GABBR2: variants seen among roughly 807,000 people sequenced by gnomAD.
GABBR2 encodes the protein G-protein coupled receptor 51.
In GABBR2, 23 loss-of-function variants were observed where a neutral mutation model predicts 105.6. The observed-to-expected ratio is 0.22, with a 90% CI of 0.16 to 0.31. The LOEUF is 0.31. Among genes scored for constraint, GABBR2 ranks in the 10% least tolerant of loss-of-function variants. The pLI is 1.00. For synonymous variants in GABBR2, 478 were observed against 499.7 expected (o/e 0.96, Z 0.58); for missense variants, 734 against 1,245.5 (o/e 0.59, Z 6.18).
At chr9:98,410,319 C>A (rs1051654627) in intron 7 of GABBR2, among the ~76,000 whole-genome samples, 1 of 151,860 alleles carries the variant, frequency 6.6e-6, no homozygotes, top group African/African-American at 2.4e-5. Flanking sequence ...TAACTCTGGC[C>A]GGGGTGGGGG....
intron 1 of GABBR2, among the ~76,000 whole-genome samples, chr9:98,660,793 G>T (rs1175017356): frequency 2.6e-5 from 4 of 152,086 alleles, no homozygotes; most frequent in African/African-American, 7.2e-5. Context: ...CAAACTTCCT[G>T]GTTCTATGCC....
intron 15 of GABBR2, among the ~76,000 whole-genome samples, chr9:98,304,792 A>G (rs1004634448): frequency 8.1e-6 from 1 of 122,906 alleles, no homozygotes; most frequent in African/African-American, 3.2e-5. Flanking sequence ...AGGGGCGGGT[A>G]AAGGGTCTCA....
chr9:98,635,255 G>T lies in GABBR2; in HGVS notation c.322-57183C>A, dbSNP rs531650184. Among the ~76,000 whole-genome samples the T allele has an allele frequency of 2.6e-5, 4 of 152,264 alleles. No homozygotes were observed. The South Asian group carries it at 6.2e-4, about 24-fold the overall frequency. On this transcript the variant is annotated intron_variant, in intron 1 of 18. Transcript: ENST00000259455. ...CACCCAGAACTTCTAGCAACCACAG[G>T]GCATTTGGGGACAGCCACTGAGGTT...
intron 1 of GABBR2, among the ~76,000 whole-genome samples, chr9:98,583,407 A>G (rs980951910): frequency 5.9e-5 from 9 of 152,242 alleles, no homozygotes; most frequent in African/African-American, 2.2e-4. Context: ...TGAAAGAAGC[A>G]CTGAGCTCCT....
chr9:98,482,673 A>G (rs1826949852), intron 4 of GABBR2, among the ~76,000 whole-genome samples: 1 of 152,160 alleles, frequency 6.6e-6, no homozygotes, highest in South Asian at 2.1e-4. Context: ...CTGGGTTCAA[A>G]TCACAGCTCC....
intron 8 of GABBR2, among the ~76,000 whole-genome samples, chr9:98,405,860 G>T (rs112232297): frequency 6.6e-6 from 1 of 152,182 alleles, no homozygotes; most frequent in South Asian, 2.1e-4. Flanking sequence ...ATCAACAGAC[G>T]TGGAACCCAT....
intron 2 of GABBR2, among the ~76,000 whole-genome samples, chr9:98,559,998 A>T (rs867462960): frequency 7.0e-6 from 1 of 143,466 alleles, no homozygotes; most frequent in Non-Finnish European, 1.5e-5. Flanking sequence ...ACACACACTC[A>T]CACACACACA....
intron 1 of GABBR2, among the ~76,000 whole-genome samples, chr9:98,645,549 G>T (rs1320960366): frequency 6.6e-6 from 1 of 152,144 alleles, no homozygotes. Context: ...TTTCTCCAGG[G>T]TGAATTCACC....
intron 12 of GABBR2, among the ~76,000 whole-genome samples, chr9:98,368,595 G>C (rs886253934): frequency 6.6e-6 from 1 of 152,226 alleles, no homozygotes. Flanking sequence ...ATGTTTTGTC[G>C]ATTGTGGCCA....
intron 3 of GABBR2, among the ~76,000 whole-genome samples, chr9:98,518,879 G>C (rs931159528): frequency 2.6e-5 from 4 of 152,204 alleles, no homozygotes; most frequent in Non-Finnish European, 4.4e-5. Flanking sequence ...AGGGAGCGGT[G>C]GTCTAGGTGA....
intron 2 of GABBR2, among the ~76,000 whole-genome samples, chr9:98,570,098 A>C (rs545566291): frequency 6.6e-6 from 1 of 152,260 alleles, no homozygotes; most frequent in South Asian, 2.1e-4. Flanking sequence ...ATACCTCTAC[A>C]CACATAGAGT....
chr9:98,693,060 T>C (rs1029113006), intron 1 of GABBR2, among the ~76,000 whole-genome samples: 1 of 152,192 alleles, frequency 6.6e-6, no homozygotes, highest in African/African-American at 2.4e-5. Context: ...TGTTGATAGA[T>C]CAGCGAGTGT....
At chr9:98,702,561 C>G (rs1355051960) in intron 1 of GABBR2, among the ~76,000 whole-genome samples, 1 of 152,182 alleles carries the variant, frequency 6.6e-6, no homozygotes, top group Non-Finnish European at 1.5e-5. Context: ...ACCTTCCGGA[C>G]ACAGCATTCA....
At chr9:98,648,921 C>T (rs1272836867) in intron 1 of GABBR2, among the ~76,000 whole-genome samples, 1 of 152,148 alleles carries the variant, frequency 6.6e-6, no homozygotes, top group African/African-American at 2.4e-5. Flanking sequence ...TGATAATTCC[C>T]CAATTTCTAG....
intron 1 of GABBR2, among the ~76,000 whole-genome samples, chr9:98,630,365 G>A (rs1053948414): frequency 2.4e-4 from 36 of 152,178 alleles, no homozygotes; most frequent in African/African-American, 7.2e-4. Flanking sequence ...AGGTTGGCAG[G>A]GAGGTGGTGT....
intron 7 of GABBR2, among the ~76,000 whole-genome samples, chr9:98,410,239 T>C (rs1832562571): frequency 6.6e-6 from 1 of 152,160 alleles, no homozygotes; most frequent in Admixed American, 6.5e-5. Flanking sequence ...TCCAGGGCTG[T>C]AACAGAATCA....
chr9:98,461,067 T>G (rs1826417348), intron 6 of GABBR2, among the ~76,000 whole-genome samples: 1 of 152,024 alleles, frequency 6.6e-6, no homozygotes, highest in African/African-American at 2.4e-5. Flanking sequence ...ATATTAAAGG[T>G]AAAATAAATT....
intron 1 of GABBR2, among the ~76,000 whole-genome samples, chr9:98,652,625 G>A (rs1207374575): frequency 6.6e-6 from 1 of 152,218 alleles, no homozygotes; most frequent in Non-Finnish European, 1.5e-5. Context: ...TCAAAGTGAG[G>A]CTAGAGCCCA....
intron 3 of GABBR2, among the ~76,000 whole-genome samples, chr9:98,509,268 G>C (rs1157048791): frequency 2.0e-5 from 3 of 152,148 alleles, no homozygotes; most frequent in Non-Finnish European, 2.9e-5. Context: ...AACCCCATCT[G>C]TACGTCACCA....
Sources: allele counts gnomAD v4.1 joint callset (sites outside exome capture counted in the v4.1 genomes callset), GRCh38; gene constraint gnomAD v4.1.1; transcripts MANE v1.5; gene names NCBI Gene and HGNC (gene_info 2026-07-23, HGNC 2026-07-21).